NKAIN3: variants seen among roughly 807,000 people sequenced by gnomAD.
NKAIN3 encodes sodium/potassium-transporting ATPase subunit beta-1-interacting protein 3.
A neutral mutation model predicts 30.2 loss-of-function variants in NKAIN3; 25 were observed. The observed-to-expected ratio is 0.83, with a 90% CI of 0.60 to 1.16. The LOEUF is 1.16. NKAIN3 is among the 50% of genes most tolerant of loss of function. NKAIN3 has a pLI of 0.00. For synonymous variants in NKAIN3, 91 were observed against 89.6 expected, an observed-to-expected ratio of 1.02 and a Z score of -0.09; for missense variants, 225 against 254.1, an observed-to-expected ratio of 0.89 and a Z score of 0.78.
intron 5 of NKAIN3, among the ~76,000 whole-genome samples, chr8:62,944,658 GA>G (rs1823071120): frequency 6.6e-6 from 1 of 152,032 alleles, no homozygotes; most frequent in Admixed American, 6.6e-5. Flanking sequence ...CTGTAAACTG[GA>G]AATTTTTAAG....
intron 1 of NKAIN3, among the ~76,000 whole-genome samples, chr8:62,500,459 A>C (rs1585877054): frequency 7.0e-6 from 1 of 142,726 alleles, no homozygotes; most frequent in Non-Finnish European, 1.5e-5. Flanking sequence ...GAAAGAAAGA[A>C]AGAAAGAAAG....
At chr8:62,537,952 C>T (rs1808717001) in intron 1 of NKAIN3, among the ~76,000 whole-genome samples, 1 of 152,066 alleles carries the variant, frequency 6.6e-6, no homozygotes, top group African/African-American at 2.4e-5. Flanking sequence ...GACAGTGCTG[C>T]ATCATTTGTG....
chr8:62,886,890 C>T (rs1396988165), intron 4 of NKAIN3, among the ~76,000 whole-genome samples: 1 of 151,730 alleles, frequency 6.6e-6, no homozygotes, highest in African/African-American at 2.4e-5. Context: ...TTGTTCAACT[C>T]CCACTTAGGA....
At chr8:62,435,647 T>C (rs1805148165) in intron 1 of NKAIN3, among the ~76,000 whole-genome samples, 1 of 152,188 alleles carries the variant, frequency 6.6e-6, no homozygotes, top group Non-Finnish European at 1.5e-5. Context: ...TTACCTTCTT[T>C]AGCCTTGTTA....
intron 3 of NKAIN3, among the ~76,000 whole-genome samples, chr8:62,591,096 A>C (rs1810637105): frequency 6.6e-6 from 1 of 151,926 alleles, no homozygotes; most frequent in Non-Finnish European, 1.5e-5. Flanking sequence ...TAAGCACAAC[A>C]TTTTCAACTC....
chr8:62,359,281 A>G (rs1241190505), intron 1 of NKAIN3, among the ~76,000 whole-genome samples: 3 of 152,240 alleles, frequency 2.0e-5, no homozygotes, highest in African/African-American at 7.2e-5. Flanking sequence ...GAGGATACCA[A>G]TAAATACCAT....
At chr8:62,990,204 TC>T in intron 5 of NKAIN3, 1 of 1,545,842 alleles carries the variant, frequency 6.5e-7, no homozygotes, top group Admixed American at 1.9e-5. Context: ...CATCTTTTTA[TC>T]CAGATGCTGC....
At chr8:62,454,300 G>GAAAAAAAAAAAAAAAAAAAA (rs1214536143) in intron 1 of NKAIN3, among the ~76,000 whole-genome samples, 2 of 23,770 alleles carry the variant, frequency 8.4e-5, no homozygotes, top group Non-Finnish European at 1.9e-4. Context: ...TAGCTGATGT[G>GAAAAAAAAAAAAAAAAAAAA]CAAAAAAAAA....
chr8:62,533,831 C>T (rs2129853613), intron 1 of NKAIN3, among the ~76,000 whole-genome samples: 1 of 152,180 alleles, frequency 6.6e-6, no homozygotes, highest in Non-Finnish European at 1.5e-5. Flanking sequence ...AACTCATCTA[C>T]CATGAAATTA....
intron 3 of NKAIN3, among the ~76,000 whole-genome samples, chr8:62,600,291 A>G (rs1810950706): frequency 6.6e-6 from 1 of 152,074 alleles, no homozygotes; most frequent in African/African-American, 2.4e-5. Context: ...AATGAATGAA[A>G]GACATTCTAC....
intron 5 of NKAIN3, among the ~76,000 whole-genome samples, chr8:62,921,822 A>T (rs950860124): frequency 6.6e-6 from 1 of 152,204 alleles, no homozygotes; most frequent in East Asian, 1.9e-4. Context: ...CTGAAAATGA[A>T]CTTGAGGATT....
In NKAIN3 at chr8:62,788,925, G is replaced by A. The variant is rs1318260679; in HGVS notation, c.471+41796G>A. On this transcript the variant is annotated intron_variant, in intron 4 of 6. Coordinates refer to ENST00000623646, the MANE Select transcript of NKAIN3 (RefSeq NM_001304533.3). ...TTTGGAACCAGTACCGTTCTGTTTTGGTTACTGTAGTCTTCTAGTATAGTT... is the reference window on the plus strand; with the variant it reads ...TTTGGAACCAGTACCGTTCTGTTTTAGTTACTGTAGTCTTCTAGTATAGTT... 5.3e-5 allele frequency among the ~76,000 whole-genome samples: 8 copies of A among 152,264 alleles called. No individual in the cohort carries two copies. The Middle Eastern group carries it at 0.01, about 194-fold the overall frequency.
Position 62,965,747 on chromosome 8 carries a change from G to C in NKAIN3, c.*340G>C. On this transcript the variant is annotated 3_prime_UTR_variant, in exon 7 of 7. Coordinates refer to ENST00000623646, the MANE Select transcript of NKAIN3 (RefSeq NM_001304533.3). ...ACAGTCAATTCTAAGAGAAATCTCA[G>C]TGTGTGCTGTGGAGATGTTAAGTCA... is the stretch of plus-strand genomic sequence containing the variant. The C allele has an allele frequency of 1.0e-6, 1 of 985,020 alleles. No homozygotes were observed. Among genetic ancestry groups the C allele is most frequent in the Non-Finnish European group, 1.2e-6 (1 of 829,620 alleles). 61.0% of individuals were successfully genotyped at this position (985,020 alleles called of 1,614,324 possible).
intron 1 of NKAIN3, among the ~76,000 whole-genome samples, chr8:62,372,402 G>A (rs1296007519): frequency 6.6e-6 from 1 of 151,840 alleles, no homozygotes; most frequent in East Asian, 1.9e-4. Flanking sequence ...TATTTTCTCT[G>A]AATTTTGGTA....
rs1816578283 is a variant in NKAIN3, at chr8:62,361,942, T to C, written c.54+112815T>C. Reference sequence around the variant, plus strand: ...TATCATTTAGATATTAGCTTCCACATCTTTTCCTCCAGGAAACATTTCTAG... The same window carrying C: ...TATCATTTAGATATTAGCTTCCACACCTTTTCCTCCAGGAAACATTTCTAG... On this transcript the variant is annotated intron_variant, in intron 1 of 6. Transcript: ENST00000623646. Among the ~76,000 whole-genome samples the C allele has an allele frequency of 2.0e-5, 3 of 152,200 alleles. No homozygotes were observed. The South Asian group carries it at 6.2e-4, about 31-fold the overall frequency.
chr8:62,730,937 T>A (rs1174798228), intron 3 of NKAIN3, among the ~76,000 whole-genome samples: 1 of 152,200 alleles, frequency 6.6e-6, no homozygotes, highest in Non-Finnish European at 1.5e-5. Context: ...TAGGCTTCAA[T>A]CATTCCTTTT....
rs138879613 is a variant in NKAIN3, at chr8:62,429,342, C to G, written c.55-150197C>G. Among the ~76,000 whole-genome samples, 22 of 151,900 alleles carry G rather than the reference C, an allele frequency of 1.4e-4. No homozygotes were observed. In the East Asian group the frequency reaches 4.1e-3, roughly 28 times the overall value. On this transcript the variant is annotated intron_variant, in intron 1 of 6. Coordinates refer to ENST00000623646, the MANE Select transcript of NKAIN3 (RefSeq NM_001304533.3). Reference sequence around the variant, plus strand: ...AGTGTGTTGAATTTTATCAAATGCTCTTTCTAGAATTTATTGAATGTTCAT... The same window carrying G: ...AGTGTGTTGAATTTTATCAAATGCTGTTTCTAGAATTTATTGAATGTTCAT...
chr8:62,383,659 A>T (rs1033630941), intron 1 of NKAIN3: 1 of 395,668 alleles, frequency 2.5e-6, no homozygotes, highest in African/African-American at 2.1e-5. Flanking sequence ...TCTGGCATTA[A>T]ATTCTCCAAC....
At chr8:62,349,177 T>C (rs1318764552) in intron 1 of NKAIN3, among the ~76,000 whole-genome samples, 1 of 152,214 alleles carries the variant, frequency 6.6e-6, no homozygotes, top group Non-Finnish European at 1.5e-5. Context: ...TCTTCTGCCA[T>C]ACTTAATTGT....
Sources: gnomAD v4.1 joint callset for allele counts (sites outside exome capture counted in the v4.1 genomes callset) on GRCh38, gnomAD v4.1.1 for gene constraint, MANE v1.5 for transcripts, NCBI Gene and HGNC (gene_info 2026-07-23, HGNC 2026-07-21) for gene names.